The following WDR7 variants were observed in gnomAD, a reference collection of about 807,000 sequenced individuals.
WDR7 encodes the protein WD repeat domain 7.
WDR7 carries 46 observed loss-of-function variants against 169.4 expected under a neutral mutation model. That is an observed-to-expected ratio of 0.27 (90% confidence interval 0.21 to 0.35). The LOEUF is 0.35. Ranked by LOEUF, WDR7 falls within the 10% of genes least tolerant of loss-of-function variation. The pLI is 1.00. For missense variants in WDR7, 1,534 were observed against 1,859.3 expected, an observed-to-expected ratio of 0.83 and a Z score of 3.22; for synonymous variants, 612 against 666.8, an observed-to-expected ratio of 0.92 and a Z score of 1.27.
At chr18:56,728,376 T>C (rs2026506417) in intron 13 of WDR7, among the ~76,000 whole-genome samples, 1 of 152,234 alleles carries the variant, frequency 6.6e-6, no homozygotes, top group Admixed American at 6.5e-5. Context: ...TAAACTCTTA[T>C]GTGATGTCTT....
intron 13 of WDR7, among the ~76,000 whole-genome samples, chr18:56,730,492 C>T (rs1011564566): frequency 6.6e-5 from 10 of 152,120 alleles, no homozygotes; most frequent in African/African-American, 1.2e-4. Flanking sequence ...GTAGGCCGGG[C>T]GTGGTGGCTC....
chr18:56,889,161 A>T (rs1270478141), intron 21 of WDR7, among the ~76,000 whole-genome samples: 2 of 152,216 alleles, frequency 1.3e-5, no homozygotes, highest in Admixed American at 6.5e-5. Flanking sequence ...AACTTAGGGA[A>T]GTGGGGACTT....
chr18:56,995,807 C>T (rs1303227860), intron 26 of WDR7, among the ~76,000 whole-genome samples: 1 of 152,198 alleles, frequency 6.6e-6, no homozygotes, highest in South Asian at 2.1e-4. Flanking sequence ...CCAGCGTCAG[C>T]TCTCTGAGCT....
chr18:56,781,643 C>A lies in WDR7; in HGVS notation c.3177C>A (p.Asp1059Glu). The change falls in exon 19 of 28, where the codon GAC (aspartate) becomes GAA (glutamate). Residue 1059 changes from aspartate to glutamate, a missense_variant. Coordinates refer to ENST00000254442, the MANE Select transcript of WDR7 (RefSeq NM_015285.3). ...AWAPYLPQYI[D>E]HVISPGVTSE... is the part of the protein sequence containing the mutation. ...CTCCTTACTTACCTCAGTACATAGA[C>A]CACGTCATATCACGTAAGAGTTCTC... 1.9e-6 allele frequency: 3 copies of A among 1,604,320 alleles called. No homozygotes were observed. The highest frequency in any genetic ancestry group is 2.6e-6 in the Non-Finnish European group (3 of 1,175,234).
intron 21 of WDR7, among the ~76,000 whole-genome samples, chr18:56,898,193 AATATGATATATTTTATGGAATT>A (rs1332831062): frequency 6.6e-6 from 1 of 152,062 alleles, no homozygotes. Flanking sequence ...TAGGCAACAA[AATATGATATATTTTATGGAATT>A]ATAATCTATA....
chr18:56,705,715 C>T (rs1368733376), intron 12 of WDR7, among the ~76,000 whole-genome samples: 1 of 152,028 alleles, frequency 6.6e-6, no homozygotes, highest in African/African-American at 2.4e-5. Context: ...AAAATAATGA[C>T]TGGCCTGGCA....
At chr18:56,844,548 G>C (rs904709824) in intron 20 of WDR7, among the ~76,000 whole-genome samples, 3 of 152,094 alleles carry the variant, frequency 2.0e-5, no homozygotes, top group Non-Finnish European at 4.4e-5. Flanking sequence ...TATAATTTTG[G>C]GCTATACTTT....
At chr18:56,881,768 T>G (rs908997193) in intron 21 of WDR7, among the ~76,000 whole-genome samples, 10 of 152,104 alleles carry the variant, frequency 6.6e-5, no homozygotes, top group Non-Finnish European at 1.5e-4. Flanking sequence ...GTATTTTTCA[T>G]AGAGACGGGG....
At chr18:57,006,316 GTTT>G (rs201264018) in intron 26 of WDR7, among the ~76,000 whole-genome samples, 1 of 148,516 alleles carries the variant, frequency 6.7e-6, no homozygotes, top group Non-Finnish European at 1.5e-5. Context: ...CATCAAAGCA[GTTT>G]TTTTTTTTTC....
intron 13 of WDR7, among the ~76,000 whole-genome samples, chr18:56,720,537 C>G (rs180919293): frequency 1.2e-3 from 177 of 152,232 alleles, no homozygotes; most frequent in Non-Finnish European, 2.0e-3. Flanking sequence ...TTGTCTGGGA[C>G]TTGTTCAAAT....
intron 19 of WDR7, among the ~76,000 whole-genome samples, chr18:56,807,869 A>G (rs1016575163): frequency 6.6e-6 from 1 of 152,148 alleles, no homozygotes; most frequent in Admixed American, 6.6e-5. Context: ...GATAAATTGA[A>G]GTGGTCTTTA....
At chr18:56,778,719 T>C (rs991454708) in intron 17 of WDR7, among the ~76,000 whole-genome samples, 4 of 152,234 alleles carry the variant, frequency 2.6e-5, no homozygotes, top group African/African-American at 9.6e-5. Context: ...AGTTCCATAT[T>C]GTGAATTAGA....
intron 26 of WDR7, among the ~76,000 whole-genome samples, chr18:56,996,570 A>G (rs1264813746): frequency 1.3e-5 from 2 of 152,264 alleles, no homozygotes; most frequent in African/African-American, 4.8e-5. Flanking sequence ...TAGAAATAAA[A>G]TTAGGCTGCT....
chr18:56,795,861 G>A (rs1348320412), intron 19 of WDR7, among the ~76,000 whole-genome samples: 2 of 152,122 alleles, frequency 1.3e-5, no homozygotes, highest in African/African-American at 4.8e-5. Context: ...GTTTCTCTCT[G>A]TGGGATCATA....
At chr18:56,787,414 G>A (rs188203384) in intron 19 of WDR7, among the ~76,000 whole-genome samples, 31 of 152,280 alleles carry the variant, frequency 2.0e-4, no homozygotes, top group Middle Eastern at 3.4e-3. Context: ...AGAGGGTGCC[G>A]TTGTAATTTT....
chr18:57,010,322 A>ATTTATTC (rs1370742051), intron 26 of WDR7: 8 of 977,878 alleles, frequency 8.2e-6, no homozygotes, highest in Non-Finnish European at 8.5e-6. Flanking sequence ...ATATTTGATA[A>ATTTATTC]TTTATTCACT....
chr18:56,935,806 T>C lies in WDR7; in HGVS notation c.3732T>C (p.Pro1244=), dbSNP rs1568275145. The C allele has an allele frequency of 3.7e-6, 6 of 1,614,188 alleles. No individual in the cohort carries two copies. The East Asian group carries it at 6.7e-5, about 18-fold the overall frequency. The stretch of plus-strand genomic sequence containing the variant: ...TGTTTAGCATCACAATGGGGTTGCC[T>C]CTGAGCCCAGCAGCTGACTCGGCCC... ...KQLANITMGL[P]LSPAADSARS... The change falls in exon 23 of 28, where the codon CCT becomes CCC. Residue 1244 remains proline (P), a synonymous_variant. Coordinates refer to ENST00000254442, the MANE Select transcript of WDR7 (RefSeq NM_015285.3).
intron 20 of WDR7, among the ~76,000 whole-genome samples, chr18:56,870,022 C>G (rs1203450723): frequency 6.6e-6 from 1 of 152,138 alleles, no homozygotes; most frequent in African/African-American, 2.4e-5. Context: ...ATCTTGGGTC[C>G]TTTCTCCCAA....
intron 14 of WDR7, among the ~76,000 whole-genome samples, chr18:56,736,789 G>A (rs1035953029): frequency 6.6e-6 from 1 of 151,892 alleles, no homozygotes; most frequent in African/African-American, 2.4e-5. Context: ...GCTTTTGATG[G>A]AAAAAGAGGA....
Sources: allele counts gnomAD v4.1 joint callset (sites outside exome capture counted in the v4.1 genomes callset), GRCh38; gene constraint gnomAD v4.1.1; transcripts MANE v1.5; gene names NCBI Gene and HGNC (gene_info 2026-07-23, HGNC 2026-07-21).